The following NPRL3 variants were observed in gnomAD, a reference collection of about 807,000 sequenced individuals.
The protein encoded by NPRL3 is GATOR1 complex protein NPRL3.
In NPRL3, 23 loss-of-function variants were observed where a neutral mutation model predicts 57.2. The ratio of observed to expected loss-of-function variants is 0.40; its 90% CI spans 0.29 to 0.57. The LOEUF is 0.57. Among genes scored for constraint, NPRL3 ranks in the 20% least tolerant of loss-of-function variants. The probability of loss-of-function intolerance (pLI) is 0.42; values close to 1 mark genes in which losing one functional copy is unlikely to be tolerated. For synonymous variants in NPRL3, 333 were observed against 321.1 expected, an observed-to-expected ratio of 1.04 and a Z score of -0.39; for missense variants, 691 against 767.1, an observed-to-expected ratio of 0.90 and a Z score of 1.17.
In NPRL3 at chr16:86,478, C is replaced by T; in HGVS notation, c.*227G>A. On this transcript the variant is annotated 3_prime_UTR_variant, in exon 14 of 14. Coordinates refer to ENST00000611875, the MANE Select transcript of NPRL3 (RefSeq NM_001077350.3). ...GAGATGCCTACGCGTGCGGCAAGGACTGGAGGGAAGCGTAGGAACACAGAG... is the reference window on the plus strand; with the variant it reads ...GAGATGCCTACGCGTGCGGCAAGGATTGGAGGGAAGCGTAGGAACACAGAG... 1.8e-6 allele frequency: 1 copy of T among 548,734 alleles called. No homozygotes were observed. The highest frequency in any genetic ancestry group is 3.3e-6 in the Non-Finnish European group (1 of 306,116). 34.0% of individuals were successfully genotyped at this position (548,734 alleles called of 1,614,324 possible).
In NPRL3 at chr16:110,521, T is replaced by C. The variant is rs1220187651; in HGVS notation, c.629+4A>G. 6.2e-6 allele frequency: 10 copies of C among 1,609,722 alleles called. No individual in the cohort carries two copies. Among genetic ancestry groups the C allele is most frequent in the Non-Finnish European group, 8.5e-6 (10 of 1,177,940 alleles). ...AGGTTAATAAGCACACCCACCTGTC[T>C]TACCTGTCATAAGCTTCCTTGAGGT... On this transcript the variant is annotated splice_donor_region_variant and intron_variant, in intron 7 of 13. Coordinates refer to ENST00000611875, the MANE Select transcript of NPRL3 (RefSeq NM_001077350.3).
chr16:92,627 A>T lies in NPRL3; in HGVS notation c.1130T>A (p.Phe377Tyr). The stretch of plus-strand genomic sequence containing the variant: ...CACAGCGGGGGCCAGGGGATTCCTA[A>T]ATTCTGACAAGGAGACCGGCAAGGA... ...KFSLPVSLSE[F>Y]RNPLAPAVQE... Residue 377 changes from phenylalanine (F) to tyrosine (Y), a missense_variant, in exon 11 of 14, where the codon TTT (phenylalanine) becomes TAT (tyrosine). Transcript: ENST00000611875. 6.2e-7 allele frequency: 1 copy of T among 1,613,522 alleles called. No homozygotes were observed. Among genetic ancestry groups the T allele is most frequent in the Non-Finnish European group, 8.5e-7 (1 of 1,179,728 alleles).
Position 85,572 on chromosome 16 carries a change from T to G in NPRL3, c.*1133A>C. 6.2e-7 allele frequency: 1 copy of G among 1,613,316 alleles called. No homozygotes were observed. Among genetic ancestry groups the G allele is most frequent in the Non-Finnish European group, 8.5e-7 (1 of 1,179,884 alleles). On this transcript the variant is annotated 3_prime_UTR_variant, in exon 14 of 14. Transcript: ENST00000611875. ...CAGGCCCTGGCCATCAACAAGAGCT[T>G]TGACCAGAGGGACCTGGCACAGGAT...
chr16:116,842 G>A (rs993186111), intron 5 of NPRL3, among the ~76,000 whole-genome samples: 10 of 150,188 alleles, frequency 6.7e-5, no homozygotes, highest in Admixed American at 2.0e-4. Flanking sequence ...GGGCGTGGTG[G>A]CGCACACCTG....
chr16:98,083 C>G (rs1596505421), intron 9 of NPRL3, 62 bp downstream of exon 9: 1 of 1,570,860 alleles, frequency 6.4e-7, no homozygotes, highest in Non-Finnish European at 8.7e-7. Context: ...TGGCAGGCGG[C>G]CTGCCTTTCC....
At chr16:88,438 G>A (rs1347768475) in intron 13 of NPRL3, among the ~76,000 whole-genome samples, 1 of 151,250 alleles carries the variant, frequency 6.6e-6, no homozygotes, top group Non-Finnish European at 1.5e-5. Context: ...AAGGGAAAAG[G>A]AACATCTAAG....
At chr16:115,423 A>G (rs1391031749) in intron 5 of NPRL3, among the ~76,000 whole-genome samples, 2 of 152,132 alleles carry the variant, frequency 1.3e-5, no homozygotes, top group Non-Finnish European at 2.9e-5. Flanking sequence ...TCTTTACATT[A>G]TCAAAATTTC....
chr16:95,626 T>A (rs1898974203), intron 9 of NPRL3, among the ~76,000 whole-genome samples: 1 of 152,156 alleles, frequency 6.6e-6, no homozygotes, highest in Non-Finnish European at 1.5e-5. Context: ...CAGACTGCAG[T>A]GTGTAAAATC....
intron 2 of NPRL3, among the ~76,000 whole-genome samples, chr16:133,084 A>G (rs949246590): frequency 1.3e-5 from 2 of 152,246 alleles, no homozygotes; most frequent in African/African-American, 4.8e-5. Context: ...CCTTCTCAGA[A>G]TTAAAGAGAG....
intron 7 of NPRL3, among the ~76,000 whole-genome samples, chr16:109,472 CT>C (rs1899687998): frequency 6.6e-6 from 1 of 152,160 alleles, no homozygotes; most frequent in Non-Finnish European, 1.5e-5. Context: ...TGACACCCAC[CT>C]AGTGAAGGTG....
Position 89,776 on chromosome 16 carries a change from AG to A in NPRL3, c.1287del (p.Phe430SerfsTer27), listed in dbSNP as rs1288771812. 6.2e-7 allele frequency: 1 copy of A among 1,600,624 alleles called. No individual in the cohort carries two copies. Among genetic ancestry groups the A allele is most frequent in the Non-Finnish European group, 8.5e-7 (1 of 1,175,240 alleles). On this transcript the variant is annotated frameshift_variant, in exon 12 of 14. Coordinates refer to ENST00000611875, the MANE Select transcript of NPRL3 (RefSeq NM_001077350.3). LOFTEE classifies it high-confidence loss of function. ...CTGCGACCGCCGACCCGGGCAGTGA[AG>A]GGGACGTCGTCCTCTCGCGGACGGG... ...EEPRPREDDV[P>X]FTARVGGRSL...
intron 2 of NPRL3, among the ~76,000 whole-genome samples, chr16:137,724 T>A (rs552489982): frequency 7.2e-5 from 11 of 151,974 alleles, no homozygotes; most frequent in East Asian, 1.9e-4. Context: ...TAATTTGTTT[T>A]TTTTTATTTT....
Position 89,134 on chromosome 16 carries a change from G to A in NPRL3, c.1352-244C>T, listed in dbSNP as rs9929721. ...CCTCAAGGGACCTGAACAGAGGTGC[G>A]ATGTGTGCCCCACAAACACCCCAAG... On this transcript the variant is annotated intron_variant, in intron 12 of 13. Transcript: ENST00000611875. 4.4e-3 allele frequency: 2,368 copies of A among 534,080 alleles called. 49 individuals are homozygous for A. The highest frequency in any genetic ancestry group is 0.038 in the African/African-American group (2,041 of 53,018). The allele number at this position is 534,080 out of a possible 1,614,324, so 33.1% of individuals were successfully genotyped here.
At chr16:95,385 A>ACACACT (rs1567132382) in intron 9 of NPRL3, among the ~76,000 whole-genome samples, 1 of 143,098 alleles carries the variant, frequency 7.0e-6, no homozygotes, top group Admixed American at 7.0e-5. Flanking sequence ...ACACACACAC[A>ACACACT]ATAAAATGTA....
chr16:132,965 G>T (rs574802352), intron 2 of NPRL3, among the ~76,000 whole-genome samples: 1 of 151,700 alleles, frequency 6.6e-6, no homozygotes, highest in African/African-American at 2.4e-5. Context: ...CACCGCACCC[G>T]GCCCACCTTG....
intron 5 of NPRL3, among the ~76,000 whole-genome samples, chr16:116,517 G>GCC (rs1900039000): frequency 6.6e-6 from 1 of 152,140 alleles, no homozygotes; most frequent in Non-Finnish European, 1.5e-5. Flanking sequence ...AACAAGGCAG[G>GCC]CCTGTCTTAA....
intron 9 of NPRL3, among the ~76,000 whole-genome samples, chr16:95,323 G>GTATATATATATATA (rs1425173088): frequency 1.2e-4 from 4 of 32,874 alleles, no homozygotes; most frequent in African/African-American, 2.3e-4. Flanking sequence ...ATGTTTGTGT[G>GTATATATATATATA]TGTATATATA....
intron 2 of NPRL3, among the ~76,000 whole-genome samples, chr16:130,990 C>A (rs777419418): frequency 1.4e-4 from 21 of 152,172 alleles, no homozygotes; most frequent in Non-Finnish European, 2.1e-4. Context: ...GTAATTAATG[C>A]CACTTAATTA....
intron 2 of NPRL3, 52 bp downstream of exon 2, chr16:138,098 C>T (rs1367565510): frequency 1.4e-6 from 2 of 1,440,700 alleles, no homozygotes; most frequent in African/African-American, 1.4e-5. Context: ...GAGGCGACCC[C>T]GGAATGAGGC....
Sources: allele counts gnomAD v4.1 joint callset (sites outside exome capture counted in the v4.1 genomes callset), GRCh38; gene constraint gnomAD v4.1.1; transcripts MANE v1.5; gene names NCBI Gene and HGNC (gene_info 2026-07-23, HGNC 2026-07-21).